The following SDK2 variants were observed in gnomAD, a reference collection of about 807,000 sequenced individuals.
The protein encoded by SDK2 is sidekick cell adhesion molecule 2, also known as protein sidekick-2.
Under a neutral mutation model 253.9 loss-of-function variants are expected in SDK2, and 105 were observed. That is an observed-to-expected ratio of 0.41 (90% CI 0.35 to 0.49). SDK2 has a LOEUF of 0.49. SDK2 is among the 20% of genes least tolerant of loss of function. The pLI is 0.06. For synonymous variants in SDK2, 1,249 were observed against 1,234.9 expected, an observed-to-expected ratio of 1.01 and a Z score of -0.24; for missense variants, 2,608 against 3,003.0, an observed-to-expected ratio of 0.87 and a Z score of 3.07.
At chr17:73,403,667 T>A (rs2063047521) in intron 18 of SDK2, among the ~76,000 whole-genome samples, 1 of 152,242 alleles carries the variant, frequency 6.6e-6, no homozygotes, top group African/African-American at 2.4e-5. Context: ...ATGCTTAATC[T>A]TCTCCTTTTC....
chr17:73,403,985 A>G (rs1324856812), intron 18 of SDK2, among the ~76,000 whole-genome samples: 1 of 152,242 alleles, frequency 6.6e-6, no homozygotes, highest in African/African-American at 2.4e-5. Context: ...CAAGTATAAA[A>G]TCTGGGTAAA....
At position 73,412,033 on chromosome 17, in the gene SDK2, TAC is replaced by T. The variant is rs1568389245; in HGVS notation, c.2484+2609_2484+2610del. The stretch of plus-strand genomic sequence containing the variant: ...ATGTAGATATACGTATATGTATATA[TAC>T]GTATATATATGTATATACGTATATG... On this transcript the variant is annotated intron_variant, in intron 18 of 44. Transcript: ENST00000392650. 1.3e-3 allele frequency among the ~76,000 whole-genome samples: 11 copies of T among 8,694 alleles called. 2 individuals carry two copies. The highest frequency in any genetic ancestry group is 0.12 in the Middle Eastern group (2 of 16). 5.7% of individuals were successfully genotyped at this position (8,694 alleles called of 152,430 possible). A position where few individuals can be genotyped will look rare whatever the true frequency, so the allele number is the denominator to read the frequency against.
chr17:73,416,775 G>A (rs2063185967), intron 16 of SDK2, among the ~76,000 whole-genome samples: 1 of 151,442 alleles, frequency 6.6e-6, no homozygotes, highest in African/African-American at 2.4e-5. Context: ...ATTTTTAGTA[G>A]AGATGGGGTT....
At chr17:73,584,429 G>A (rs533600456) in intron 1 of SDK2, among the ~76,000 whole-genome samples, 26 of 152,196 alleles carry the variant, frequency 1.7e-4, no homozygotes, top group African/African-American at 4.3e-4. Context: ...AGACCTGAGC[G>A]CCCTGATGCC....
intron 44 of SDK2, among the ~76,000 whole-genome samples, chr17:73,340,734 G>GTTTTTTTTTTTTTTT (rs10638504): frequency 1.3e-5 from 1 of 77,550 alleles, no homozygotes. Flanking sequence ...AAACCTTAAA[G>GTTTTTTTTTTTTTTT]TTTTTTTTTT....
intron 2 of SDK2, among the ~76,000 whole-genome samples, chr17:73,477,443 G>T (rs552327750): frequency 6.6e-6 from 1 of 152,210 alleles, no homozygotes; most frequent in Non-Finnish European, 1.5e-5. Flanking sequence ...ACCTCAGGGG[G>T]ACTTACACTT....
intron 2 of SDK2, among the ~76,000 whole-genome samples, chr17:73,498,679 T>C (rs1766020971): frequency 6.6e-6 from 1 of 152,212 alleles, no homozygotes; most frequent in African/African-American, 2.4e-5. Flanking sequence ...CCTCTCCTTA[T>C]AGGAGTTGCT....
intron 31 of SDK2, 81 bp downstream of exon 31, chr17:73,386,364 C>T (rs2062871816): frequency 2.0e-6 from 2 of 1,019,820 alleles, no homozygotes; most frequent in African/African-American, 3.2e-5. Context: ...TTTGGAGGCC[C>T]CTCCCCCCGT....
Position 73,369,197 on chromosome 17 carries a change from G to A in SDK2, c.4981-604C>T, listed in dbSNP as rs1296526705. 1.3e-5 allele frequency: 6 copies of A among 470,302 alleles called. No homozygotes were observed. In the Admixed American group the frequency reaches 1.4e-4, roughly 11 times the overall value. 29.1% of individuals were successfully genotyped at this position (470,302 alleles called of 1,614,324 possible). The stretch of plus-strand genomic sequence containing the variant: ...CACATCAGCACTTAGTACAGTTCCT[G>A]GAGGAATAAAGCAAATCCGTCCTAC... On this transcript the variant is annotated intron_variant, in intron 36 of 44. Transcript: ENST00000392650.
chr17:73,533,160 G>T (rs925346608), intron 1 of SDK2, among the ~76,000 whole-genome samples: 1 of 152,172 alleles, frequency 6.6e-6, no homozygotes, highest in Admixed American at 6.5e-5. Context: ...GCCCAGAGAG[G>T]TCCCCTCATC....
At chr17:73,399,893 C>T (rs1295261912) in intron 21 of SDK2, among the ~76,000 whole-genome samples, 3 of 152,208 alleles carry the variant, frequency 2.0e-5, no homozygotes, top group Admixed American at 1.3e-4. Context: ...AGTTATCCAA[C>T]TCTCTGTGCC....
Position 73,463,795 on chromosome 17 carries a change from C to T in SDK2, c.332-7742G>A, listed in dbSNP as rs181213567. 2.4e-3 allele frequency among the ~76,000 whole-genome samples: 365 copies of T among 152,270 alleles called. 2 individuals carry two copies. Among genetic ancestry groups the T allele is most frequent in the African/African-American group, 7.9e-3 (326 of 41,528 alleles). ...CGGCTGGATGGAATTCTGTGGATCA[C>T]GCTTCATTTGTTTTTGGTGCTTTGC... is the stretch of plus-strand genomic sequence containing the variant. On this transcript the variant is annotated intron_variant, in intron 3 of 44. Coordinates refer to ENST00000392650, the MANE Select transcript of SDK2 (RefSeq NM_001144952.2).
chr17:73,440,677 G>A, intron 6 of SDK2, 135 bp downstream of exon 6: 1 of 707,784 alleles, frequency 1.4e-6, no homozygotes, highest in Non-Finnish European at 2.6e-6. Context: ...ACAGCCAGCA[G>A]GTCTCCTTGC....
intron 40 of SDK2, among the ~76,000 whole-genome samples, chr17:73,355,101 C>T (rs544054566): frequency 2.8e-5 from 4 of 143,610 alleles, no homozygotes; most frequent in South Asian, 2.3e-4. Flanking sequence ...TCCGGGGTCC[C>T]GAACCTCGGC....
chr17:73,624,611 C>T (rs895546912), intron 1 of SDK2, among the ~76,000 whole-genome samples: 13 of 152,138 alleles, frequency 8.5e-5, no homozygotes, highest in African/African-American at 2.9e-4. Context: ...ATGTGCATGC[C>T]GCACCTGGGG....
chr17:73,367,177 T>C (rs1184831799), intron 37 of SDK2, among the ~76,000 whole-genome samples: 2 of 151,922 alleles, frequency 1.3e-5, no homozygotes, highest in Non-Finnish European at 2.9e-5. Flanking sequence ...AGCTAATTTT[T>C]GTAGTTTTTT....
rs2062544343 is a variant in SDK2 at position 73,352,157 on chromosome 17, T to C, written c.5758+316A>G. On this transcript the variant is annotated intron_variant, in intron 41 of 44. Transcript: ENST00000392650. The surrounding 1 kb of genome is among the most constrained non-coding windows in gnomAD (Gnocchi z 4.1). ...CATGGAAAGATAGTTTATGGCCTGGTGCCCATGAATGTCCTGGGTGATGAG... is the reference window on the plus strand; with the variant it reads ...CATGGAAAGATAGTTTATGGCCTGGCGCCCATGAATGTCCTGGGTGATGAG... 6.6e-6 allele frequency among the ~76,000 whole-genome samples: 1 copy of C among 152,098 alleles called. No homozygotes were observed. The highest frequency in any genetic ancestry group is 6.5e-5 in the Admixed American group (1 of 15,278).
intron 1 of SDK2, among the ~76,000 whole-genome samples, chr17:73,601,785 C>A (rs1456003374): frequency 6.6e-6 from 1 of 151,932 alleles, no homozygotes; most frequent in Non-Finnish European, 1.5e-5. Context: ...GCTTTTTCGC[C>A]CAGGCTGGAG....
chr17:73,356,496 AT>A (rs2062593263), intron 40 of SDK2, among the ~76,000 whole-genome samples: 1 of 152,154 alleles, frequency 6.6e-6, no homozygotes, highest in African/African-American at 2.4e-5. Flanking sequence ...AAGGGGGTGT[AT>A]TTAGTTTATC....
Sources: gnomAD v4.1 joint callset for allele counts (sites outside exome capture counted in the v4.1 genomes callset) on GRCh38, gnomAD v4.1.1 for gene constraint, Gnocchi (gnomAD v3.1) non-coding constraint, MANE v1.5 for transcripts, NCBI Gene and HGNC (gene_info 2026-07-23, HGNC 2026-07-21) for gene names.